The following UTRN variants were observed in gnomAD, a reference collection of about 807,000 sequenced individuals.
UTRN encodes utrophin, also known as dystrophin-related protein 1.
Under a neutral mutation model 463.9 loss-of-function variants are expected in UTRN, and 283 were observed. The ratio of observed to expected loss-of-function variants is 0.61; its 90% confidence interval spans 0.55 to 0.67. The LOEUF is 0.67. UTRN is among the 30% of genes least tolerant of loss of function. The pLI is 0.00. For missense variants in UTRN, 3,922 were observed against 4,084.3 expected, an observed-to-expected ratio of 0.96 and a Z score of 1.08; for synonymous variants, 1,442 against 1,431.5, an observed-to-expected ratio of 1.01 and a Z score of -0.17.
chr6:144,503,219 G>A (rs1794373325), intron 34 of UTRN, among the ~76,000 whole-genome samples: 1 of 151,988 alleles, frequency 6.6e-6, no homozygotes, highest in South Asian at 2.1e-4. Flanking sequence ...CACTATGCTG[G>A]TACTTTCTTT....
chr6:144,546,746 C>G (rs1252505842), intron 46 of UTRN, among the ~76,000 whole-genome samples: 1 of 152,082 alleles, frequency 6.6e-6, no homozygotes, highest in African/African-American at 2.4e-5. Flanking sequence ...GAGGTTGAGG[C>G]TGCAATGAGC....
intron 2 of UTRN, among the ~76,000 whole-genome samples, chr6:144,349,011 T>TC (rs1777857051): frequency 6.6e-6 from 1 of 151,976 alleles, no homozygotes; most frequent in Admixed American, 6.5e-5. Flanking sequence ...ACTGAGCAGT[T>TC]CTTTTTTTTT....
At chr6:144,755,697 C>T (rs548528304) in intron 57 of UTRN, among the ~76,000 whole-genome samples, 6 of 152,068 alleles carry the variant, frequency 3.9e-5, no homozygotes, top group Non-Finnish European at 8.8e-5. Flanking sequence ...CAATTTGTTT[C>T]ATTTAATTCA....
At chr6:144,386,889 A>T (rs939424325) in intron 2 of UTRN, among the ~76,000 whole-genome samples, 2 of 149,994 alleles carry the variant, frequency 1.3e-5, no homozygotes, top group South Asian at 4.2e-4. Flanking sequence ...AACTCAATAT[A>T]AAAAAAAACC....
Position 144,320,940 on chromosome 6 carries a change from G to A in UTRN, c.79+29033G>A, listed in dbSNP as rs191579882. Among the ~76,000 whole-genome samples the A allele has an allele frequency of 2.0e-5, 3 of 152,312 alleles. No homozygotes were observed. In the East Asian group the frequency reaches 5.8e-4, roughly 29 times the overall value. ...TTCCCTGCTAATGGGGATGGAGTGGGGGGAGGTGCTCGTGGCAGGCACTCA... is the reference window on the plus strand; with the variant it reads ...TTCCCTGCTAATGGGGATGGAGTGGAGGGAGGTGCTCGTGGCAGGCACTCA... On this transcript the variant is annotated intron_variant, in intron 2 of 74. Transcript: ENST00000367545.
At chr6:144,499,142 T>G in intron 33 of UTRN, 115 bp from the exon 34 acceptor site, 1 of 1,107,642 alleles carries the variant, frequency 9.0e-7, no homozygotes, top group Non-Finnish European at 1.3e-6. Context: ...AGGTTATGTA[T>G]GTCTTGGGGG....
chr6:144,770,852 G>A (rs2128732512), intron 58 of UTRN, among the ~76,000 whole-genome samples: 1 of 152,318 alleles, frequency 6.6e-6, no homozygotes, highest in African/African-American at 2.4e-5. Context: ...AGAGACACTT[G>A]CCTGAGGGGA....
At chr6:144,766,386 G>A (rs1037511813) in intron 58 of UTRN, among the ~76,000 whole-genome samples, 11 of 152,094 alleles carry the variant, frequency 7.2e-5, no homozygotes, top group Non-Finnish European at 1.0e-4. Flanking sequence ...TTGGGAGCTC[G>A]TGCTTGATTG....
chr6:144,752,048 T>C (rs566931770), intron 56 of UTRN, 96 bp downstream of exon 56: 7 of 1,242,384 alleles, frequency 5.6e-6, no homozygotes, highest in Non-Finnish European at 7.4e-6. Flanking sequence ...TCTCTTTCTT[T>C]GCTGATGGTA....
chr6:144,435,319 T>C (rs1417020236), intron 9 of UTRN, among the ~76,000 whole-genome samples: 3 of 152,182 alleles, frequency 2.0e-5, no homozygotes, highest in African/African-American at 4.8e-5. Context: ...TACTCAGTTA[T>C]TTAGAAAGAG....
At chr6:144,546,049 A>G (rs187686737) in intron 46 of UTRN, among the ~76,000 whole-genome samples, 4 of 152,328 alleles carry the variant, frequency 2.6e-5, no homozygotes, top group Admixed American at 2.0e-4. Context: ...CCCCTTACAC[A>G]TAATAGGTTC....
At chr6:144,684,281 C>T (rs1167201358) in intron 52 of UTRN, among the ~76,000 whole-genome samples, 5 of 152,212 alleles carry the variant, frequency 3.3e-5, no homozygotes, top group East Asian at 3.9e-4. Flanking sequence ...AATTCCTGAC[C>T]TCAGGTGACC....
chr6:144,568,569 C>T (rs117554011), intron 50 of UTRN, among the ~76,000 whole-genome samples: 2,592 of 152,234 alleles, frequency 0.017, 38 homozygotes, highest in Middle Eastern at 0.037. Context: ...GTGCTGGATG[C>T]GATCTTAGAA....
intron 28 of UTRN, among the ~76,000 whole-genome samples, chr6:144,487,197 C>T (rs78927360): frequency 0.12 from 18,492 of 151,978 alleles, 1,475 homozygotes; most frequent in South Asian, 0.31. Context: ...GAGACATAGT[C>T]TCGCTCTGTT....
intron 62 of UTRN, among the ~76,000 whole-genome samples, chr6:144,791,434 C>T (rs148018086): frequency 6.6e-6 from 1 of 152,146 alleles, no homozygotes; most frequent in East Asian, 1.9e-4. Flanking sequence ...AGACCAGGCA[C>T]AGTGGTTCAT....
intron 2 of UTRN, among the ~76,000 whole-genome samples, chr6:144,347,526 T>G (rs1459336412): frequency 1.3e-5 from 2 of 152,184 alleles, no homozygotes; most frequent in Non-Finnish European, 2.9e-5. Context: ...GGAAGAAGAT[T>G]GGACAGAGGC....
In UTRN at chr6:144,544,227, C is replaced by T. The variant is rs777633923; in HGVS notation, c.6595+1357C>T. Among the ~76,000 whole-genome samples, 26 of 152,266 alleles carry T rather than the reference C, an allele frequency of 1.7e-4. 1 individual carries two copies. The highest frequency in any genetic ancestry group is 4.1e-4 in the South Asian group (2 of 4,826). On this transcript the variant is annotated intron_variant, in intron 46 of 74. Transcript: ENST00000367545. ...ATCTTAGTATGTCTCTCTCCTCCTA[C>T]GCAGTGTTTTAATTCAGTTCCTTCT... is the stretch of plus-strand genomic sequence containing the variant.
At chr6:144,618,504 C>G (rs1806375170) in intron 51 of UTRN, among the ~76,000 whole-genome samples, 1 of 152,096 alleles carries the variant, frequency 6.6e-6, no homozygotes, top group Non-Finnish European at 1.5e-5. Flanking sequence ...TAGGCATGCA[C>G]TAACTGTACT....
intron 61 of UTRN, among the ~76,000 whole-genome samples, chr6:144,786,224 C>T (rs1211929942): frequency 6.6e-6 from 1 of 152,120 alleles, no homozygotes; most frequent in African/African-American, 2.4e-5. Flanking sequence ...GTAACCTGTA[C>T]AGTTCAGTCA....
Sources: allele counts gnomAD v4.1 joint callset (sites outside exome capture counted in the v4.1 genomes callset), GRCh38; gene constraint gnomAD v4.1.1; transcripts MANE v1.5; gene names NCBI Gene and HGNC (gene_info 2026-07-23, HGNC 2026-07-21).